The following CADM1 variants were observed in gnomAD, a reference collection of about 807,000 sequenced individuals.
The protein encoded by CADM1 is TSLC-1.
Under a neutral mutation model 53.1 loss-of-function variants are expected in CADM1, and 15 were observed. The ratio of observed to expected loss-of-function variants is 0.28; its 90% CI spans 0.19 to 0.44. The LOEUF is 0.44. Ranked by LOEUF, CADM1 falls within the 20% of genes least tolerant of loss-of-function variation. The pLI is 1.00. For missense variants in CADM1, 434 were observed against 611.3 expected, an observed-to-expected ratio of 0.71 and a Z score of 3.06; for synonymous variants, 281 against 243.0, an observed-to-expected ratio of 1.16 and a Z score of -1.45.
intron 1 of CADM1, among the ~76,000 whole-genome samples, chr11:115,277,060 G>A (rs1370246908): frequency 6.6e-6 from 1 of 152,204 alleles, no homozygotes; most frequent in East Asian, 1.9e-4. Flanking sequence ...TGTCAGCAAC[G>A]AAACATCTCA....
At chr11:115,342,915 A>G (rs1344007395) in intron 1 of CADM1, among the ~76,000 whole-genome samples, 1 of 152,186 alleles carries the variant, frequency 6.6e-6, no homozygotes, top group East Asian at 1.9e-4. Context: ...TGTAAAGATT[A>G]AAGACCTTGT....
intron 1 of CADM1, among the ~76,000 whole-genome samples, chr11:115,284,838 A>G (rs894155431): frequency 6.6e-6 from 1 of 152,206 alleles, no homozygotes; most frequent in Non-Finnish European, 1.5e-5. Context: ...CCTATTTTCA[A>G]TACGTCTAAG....
chr11:115,413,565 A>G, intron 1 of CADM1, among the ~76,000 whole-genome samples: 1 of 131,900 alleles, frequency 7.6e-6, no homozygotes, highest in African/African-American at 2.6e-5. Context: ...GAGAGATTAC[A>G]AGACTTGAAA....
intron 1 of CADM1, among the ~76,000 whole-genome samples, chr11:115,488,036 G>GA (rs11404998): frequency 0.92 from 135,822 of 147,406 alleles, 62,580 homozygotes; most frequent in East Asian, 0.98. Flanking sequence ...GCAATCCCTG[G>GA]AAAAAAAAAA....
chr11:115,372,437 C>A (rs58313857), intron 1 of CADM1, among the ~76,000 whole-genome samples: 2 of 152,118 alleles, frequency 1.3e-5, no homozygotes, highest in Admixed American at 6.5e-5. Flanking sequence ...GTTGCTCCCC[C>A]ACTTATAAGA....
chr11:115,479,993 G>A (rs1350247284), intron 1 of CADM1, among the ~76,000 whole-genome samples: 3 of 152,066 alleles, frequency 2.0e-5, no homozygotes, highest in Non-Finnish European at 4.4e-5. Flanking sequence ...CTTGAAATAT[G>A]GAATGAAAGA....
At chr11:115,397,700 T>A (rs1478463463) in intron 1 of CADM1, 5 of 152,256 alleles carry the variant, frequency 3.3e-5, no homozygotes, top group Non-Finnish European at 7.4e-5. Flanking sequence ...TCAATGACAA[T>A]AGAGACATTG....
chr11:115,194,227 G>A (rs1269311574), intron 9 of CADM1: 1 of 152,198 alleles, frequency 6.6e-6, no homozygotes, highest in Non-Finnish European at 1.5e-5. Flanking sequence ...CACAGATGGT[G>A]GACATAGCGG....
intron 1 of CADM1, among the ~76,000 whole-genome samples, chr11:115,388,402 T>C (rs1946753686): frequency 6.6e-6 from 1 of 152,108 alleles, no homozygotes; most frequent in Non-Finnish European, 1.5e-5. Flanking sequence ...AGATGTTAAA[T>C]CTAAGGGGTG....
At chr11:115,314,339 G>T (rs1216337744) in intron 1 of CADM1, among the ~76,000 whole-genome samples, 1 of 152,054 alleles carries the variant, frequency 6.6e-6, no homozygotes, top group Non-Finnish European at 1.5e-5. Context: ...GCATCAACAT[G>T]GTTGCCTTTT....
intron 10 of CADM1, among the ~76,000 whole-genome samples, chr11:115,189,558 T>C (rs909855669): frequency 1.3e-3 from 1 of 794 alleles, no homozygotes; most frequent in Non-Finnish European, 0.013. Flanking sequence ...ACATTTTACG[T>C]AGGGAGGACT....
At chr11:115,436,806 CAT>C (rs1948193797) in intron 1 of CADM1, among the ~76,000 whole-genome samples, 1 of 152,144 alleles carries the variant, frequency 6.6e-6, no homozygotes, top group South Asian at 2.1e-4. Flanking sequence ...CCACTTGTAA[CAT>C]AGTCTGGAAT....
At chr11:115,190,405 C>T (rs1041113684) in intron 10 of CADM1, among the ~76,000 whole-genome samples, 4 of 152,092 alleles carry the variant, frequency 2.6e-5, no homozygotes, top group African/African-American at 9.7e-5. Context: ...GCTTCCCCCT[C>T]CTCCCTGCCC....
intron 5 of CADM1, among the ~76,000 whole-genome samples, chr11:115,228,823 G>A (rs1396997819): frequency 6.6e-6 from 1 of 152,144 alleles, no homozygotes; most frequent in Non-Finnish European, 1.5e-5. Context: ...TTTGCAGTTG[G>A]CATAGAAATG....
chr11:115,272,461 C>T (rs1371025612), intron 1 of CADM1, among the ~76,000 whole-genome samples: 3 of 151,854 alleles, frequency 2.0e-5, no homozygotes, highest in African/African-American at 4.8e-5. Flanking sequence ...ATCAGTTAGA[C>T]CTAACTAGTA....
intron 1 of CADM1, among the ~76,000 whole-genome samples, chr11:115,495,794 A>T (rs1949596254): frequency 6.6e-6 from 1 of 152,058 alleles, no homozygotes; most frequent in Non-Finnish European, 1.5e-5. Flanking sequence ...TTTAGGATTT[A>T]TTTTATTTTA....
intron 1 of CADM1, among the ~76,000 whole-genome samples, chr11:115,480,543 G>C (rs543319052): frequency 2.0e-5 from 3 of 152,082 alleles, no homozygotes; most frequent in Non-Finnish European, 4.4e-5. Context: ...CCCTCTGAAA[G>C]GGAAGGAAGA....
chr11:115,503,625 G>A (rs1949782944), intron 1 of CADM1, among the ~76,000 whole-genome samples: 1 of 152,192 alleles, frequency 6.6e-6, no homozygotes, highest in Non-Finnish European at 1.5e-5. Context: ...AAGACCCGCA[G>A]CAGAGCCGAG....
intron 8 of CADM1, among the ~76,000 whole-genome samples, chr11:115,198,898 C>T (rs1244516513): frequency 6.6e-6 from 1 of 152,218 alleles, no homozygotes; most frequent in Non-Finnish European, 1.5e-5. Context: ...GGCACTTGGG[C>T]TTCTTGACTG....
Sources: allele counts gnomAD v4.1 joint callset (sites outside exome capture counted in the v4.1 genomes callset), GRCh38; gene constraint gnomAD v4.1.1; transcripts MANE v1.5; gene names NCBI Gene and HGNC (gene_info 2026-07-23, HGNC 2026-07-21).